ZBTB7C: variants seen among roughly 807,000 people sequenced by gnomAD.
ZBTB7C encodes zinc finger and BTB domain-containing protein 7C.
A neutral mutation model predicts 25.7 loss-of-function variants in ZBTB7C; 8 were observed. That is an observed-to-expected ratio of 0.31 (90% confidence interval 0.18 to 0.56). ZBTB7C has a LOEUF of 0.56. ZBTB7C is among the 20% of genes least tolerant of loss of function. The pLI is 0.91. For synonymous variants in ZBTB7C, 394 were observed against 369.0 expected (o/e 1.07, Z -0.78); for missense variants, 824 against 855.2 (o/e 0.96, Z 0.46).
chr18:48,140,895 C>T (rs536599048), intron 3 of ZBTB7C, among the ~76,000 whole-genome samples: 9 of 152,248 alleles, frequency 5.9e-5, no homozygotes, highest in South Asian at 4.1e-4. Context: ...CTGCCCTTGG[C>T]GGAGCCTCTA....
intron 1 of ZBTB7C, among the ~76,000 whole-genome samples, chr18:48,344,026 C>G (rs1190752037): frequency 6.6e-6 from 1 of 152,154 alleles, no homozygotes; most frequent in Non-Finnish European, 1.5e-5. Context: ...GCTCTGTCAC[C>G]TAGGCTGGAG....
rs554035788 is a variant in ZBTB7C, at chr18:48,108,557, C to A, written c.-16-67434G>T. 7.9e-5 allele frequency among the ~76,000 whole-genome samples: 12 copies of A among 152,184 alleles called. No individual in the cohort carries two copies. The South Asian group carries it at 2.5e-3, about 32-fold the overall frequency. On this transcript the variant is annotated intron_variant, in intron 3 of 4. Coordinates refer to ENST00000590800, the MANE Select transcript of ZBTB7C (RefSeq NM_001318841.2). ...CAAGTGATCCTCCTACCTCAGCCTC[C>A]CAGATAGTTAGGACTACAGGCATGT...
intron 3 of ZBTB7C, among the ~76,000 whole-genome samples, chr18:48,144,427 T>C (rs1017088818): frequency 5.5e-4 from 83 of 152,250 alleles, no homozygotes; most frequent in African/African-American, 1.9e-3. Flanking sequence ...CATTGCAGCC[T>C]CAACCTCCCA....
intron 2 of ZBTB7C, among the ~76,000 whole-genome samples, chr18:48,335,665 T>C (rs1369703554): frequency 1.3e-5 from 2 of 152,222 alleles, no homozygotes; most frequent in Non-Finnish European, 2.9e-5. Context: ...AGATTGGTGC[T>C]ATCCAACACA....
chr18:48,368,806 A>AAAGAAAAGAATAATTCATCCACCCAG (rs57505551), intron 1 of ZBTB7C, among the ~76,000 whole-genome samples: 2 of 151,970 alleles, frequency 1.3e-5, no homozygotes, highest in African/African-American at 4.8e-5. Flanking sequence ...GTGTGAAAAG[A>AAAGAAAAGAATAATTCATCCACCCAG]AATCCTATTT....
At chr18:48,259,206 T>C (rs1831533635) in intron 2 of ZBTB7C, among the ~76,000 whole-genome samples, 1 of 152,192 alleles carries the variant, frequency 6.6e-6, no homozygotes, top group Non-Finnish European at 1.5e-5. Flanking sequence ...TGCCTCAGCC[T>C]CTCAAAGTAC....
rs567946817 is a variant in ZBTB7C at position 48,287,150 on chromosome 18, G to A, written c.-79+51024C>T. Among the ~76,000 whole-genome samples the A allele has an allele frequency of 2.7e-5, 4 of 148,638 alleles. No individual in the cohort carries two copies. In the East Asian group the frequency reaches 8.0e-4, roughly 30 times the overall value. On this transcript the variant is annotated intron_variant, in intron 2 of 4. Coordinates refer to ENST00000590800, the MANE Select transcript of ZBTB7C (RefSeq NM_001318841.2). ...CAAACGGTAACTAAGAAAACAAAGA[G>A]AAACAAGTTATATTTGTAAAATTAA...
At position 48,088,665 on chromosome 18, in the gene ZBTB7C, TA is replaced by T. The variant is rs1484559815; in HGVS notation, c.-16-47543del. On this transcript the variant is annotated intron_variant, in intron 3 of 4. Coordinates refer to ENST00000590800, the MANE Select transcript of ZBTB7C (RefSeq NM_001318841.2). ...CAACATGGTGAAACCCTGTATCTACTAAAAATACAAAAAAATTAGCCGGGTG... is the reference window on the plus strand; with the variant it reads ...CAACATGGTGAAACCCTGTATCTACTAAAATACAAAAAAATTAGCCGGGTG... Among the ~76,000 whole-genome samples, 5 of 44,722 alleles carry T rather than the reference TA, an allele frequency of 1.1e-4. 1 individual carries two copies. The Admixed American group carries it at 1.2e-3, about 11-fold the overall frequency. 29.3% of individuals were successfully genotyped at this position (44,722 alleles called of 152,430 possible). A position where few individuals can be genotyped will look rare whatever the true frequency, so the allele number is the denominator to read the frequency against.
chr18:48,335,409 T>C (rs1386563535), intron 2 of ZBTB7C, among the ~76,000 whole-genome samples: 1 of 152,120 alleles, frequency 6.6e-6, no homozygotes, highest in Non-Finnish European at 1.5e-5. Context: ...TCAGAGACCT[T>C]CAGGAACCGC....
intron 3 of ZBTB7C, among the ~76,000 whole-genome samples, chr18:48,062,985 C>T (rs1184566237): frequency 6.6e-6 from 1 of 152,184 alleles, no homozygotes; most frequent in Non-Finnish European, 1.5e-5. Context: ...GCCCTGGCAT[C>T]AGTGGGATGG....
At chr18:48,384,923 C>T (rs1034678998) in intron 1 of ZBTB7C, among the ~76,000 whole-genome samples, 19 of 145,066 alleles carry the variant, frequency 1.3e-4, no homozygotes, top group Non-Finnish European at 2.2e-4. Context: ...CTCTAGTGAT[C>T]CACCTGCCTC....
intron 2 of ZBTB7C, among the ~76,000 whole-genome samples, chr18:48,334,931 C>A (rs1475970027): frequency 1.3e-5 from 2 of 152,180 alleles, no homozygotes; most frequent in Non-Finnish European, 2.9e-5. Context: ...CCTCACTCCA[C>A]TGGAGTGCAG....
intron 1 of ZBTB7C, among the ~76,000 whole-genome samples, chr18:48,350,270 A>G (rs1486602565): frequency 1.3e-5 from 2 of 152,156 alleles, no homozygotes; most frequent in Admixed American, 6.5e-5. Context: ...AGGGAGGAAC[A>G]TCTCCTTGCC....
At chr18:48,273,465 G>A (rs936081499) in intron 2 of ZBTB7C, among the ~76,000 whole-genome samples, 1 of 151,886 alleles carries the variant, frequency 6.6e-6, no homozygotes, top group African/African-American at 2.4e-5. Flanking sequence ...ACTAATAAAT[G>A]TATACAAAAA....
At chr18:48,238,047 C>T (rs184393278) in intron 2 of ZBTB7C, among the ~76,000 whole-genome samples, 4 of 151,676 alleles carry the variant, frequency 2.6e-5, no homozygotes, top group Admixed American at 1.3e-4. Flanking sequence ...TAGGAAAGTC[C>T]AAAATTAAAA....
chr18:48,177,802 C>T (rs1465299339), intron 3 of ZBTB7C, among the ~76,000 whole-genome samples: 1 of 152,104 alleles, frequency 6.6e-6, no homozygotes, highest in East Asian at 1.9e-4. Flanking sequence ...GCAACGGGCT[C>T]CCTTGCCTCT....
At chr18:48,312,652 T>C (rs1167578472) in intron 2 of ZBTB7C, among the ~76,000 whole-genome samples, 2 of 152,146 alleles carry the variant, frequency 1.3e-5, no homozygotes, top group African/African-American at 4.8e-5. Context: ...CTCACAGCAA[T>C]GTTGTGAGAA....
At chr18:48,208,577 C>T (rs940447819) in intron 2 of ZBTB7C, among the ~76,000 whole-genome samples, 5 of 152,162 alleles carry the variant, frequency 3.3e-5, no homozygotes, top group Admixed American at 2.0e-4. Context: ...CTTTACATAT[C>T]GTTTAACTCC....
At chr18:48,397,912 C>G (rs1265294833) in intron 1 of ZBTB7C, among the ~76,000 whole-genome samples, 1 of 152,226 alleles carries the variant, frequency 6.6e-6, no homozygotes, top group Non-Finnish European at 1.5e-5. Flanking sequence ...ACCTTGTATT[C>G]CCTGTGGGAT....
Sources: gnomAD v4.1 joint callset for allele counts (sites outside exome capture counted in the v4.1 genomes callset) on GRCh38, gnomAD v4.1.1 for gene constraint, MANE v1.5 for transcripts, NCBI Gene and HGNC (gene_info 2026-07-23, HGNC 2026-07-21) for gene names.